Variants in PARD3B observed in about 807,000 individuals in gnomAD.
PARD3B encodes the protein partitioning defective 3 homolog B.
Under a neutral mutation model 130.2 loss-of-function variants are expected in PARD3B, and 103 were observed. The ratio of observed to expected loss-of-function variants is 0.79; its 90% CI spans 0.67 to 0.93. The LOEUF (loss-of-function observed/expected upper bound fraction) is 0.93, where lower values mean the gene tolerates loss of function less well. PARD3B is among the 40% of genes least tolerant of loss of function. PARD3B has a pLI of 0.00. For synonymous variants in PARD3B, 583 were observed against 553.2 expected (o/e 1.05, Z -0.76); for missense variants, 1,609 against 1,499.2 (o/e 1.07, Z -1.21).
chr2:205,579,571 A>C (rs2053890377), intron 22 of PARD3B, among the ~76,000 whole-genome samples: 1 of 152,224 alleles, frequency 6.6e-6, no homozygotes, highest in South Asian at 2.1e-4. Flanking sequence ...GTATCCAGCC[A>C]GCAGTACTTC....
chr2:205,190,643 T>C, intron 14 of PARD3B, among the ~76,000 whole-genome samples: 1 of 152,166 alleles, frequency 6.6e-6, no homozygotes, highest in East Asian at 1.9e-4. Flanking sequence ...ATGCCAACTC[T>C]CCTCTTTGAG....
Position 204,922,682 on chromosome 2 carries a change from G to GT in PARD3B, c.223-42459dup, listed in dbSNP as rs35206495. Among the ~76,000 whole-genome samples, 1,141 of 148,660 alleles carry GT rather than the reference G, an allele frequency of 7.7e-3. 19 individuals carry two copies. The highest frequency in any genetic ancestry group is 0.026 in the African/African-American group (1,051 of 40,754). On this transcript the variant is annotated intron_variant, in intron 2 of 22. Coordinates refer to ENST00000406610, the MANE Select transcript of PARD3B (RefSeq NM_001302769.2). Reference sequence around the variant, plus strand: ...GAAACGTGACTACAAAAAAAATACAGTTTTTTTTTTTCCTTTTAAAATAGG... The same window carrying GT: ...GAAACGTGACTACAAAAAAAATACAGTTTTTTTTTTTTCCTTTTAAAATAGG...
intron 1 of PARD3B, among the ~76,000 whole-genome samples, chr2:204,656,887 A>G (rs1031350596): frequency 4.6e-5 from 7 of 152,134 alleles, no homozygotes; most frequent in African/African-American, 1.4e-4. Flanking sequence ...CTCCTGTGTT[A>G]TTTCACTTTT....
At position 205,617,840 on chromosome 2, in the gene PARD3B, A is replaced by G. The variant is rs1338488934; in HGVS notation, c.*2027A>G. The G allele has an allele frequency of 6.6e-6, 1 of 152,226 alleles. No homozygotes were observed. The highest frequency in any genetic ancestry group is 1.9e-4 in the East Asian group (1 of 5,198). The allele number at this position is 152,226 out of a possible 1,614,324, so 9.4% of individuals were successfully genotyped here. A position where few individuals can be genotyped will look rare whatever the true frequency, so the allele number is the denominator to read the frequency against. ...ACGTGTAACTTGTTTTGAAGCATTA[A>G]AAACCAGCAGCTCTTCACTATGTTC... On this transcript the variant is annotated 3_prime_UTR_variant, in exon 23 of 23. Transcript: ENST00000406610.
In PARD3B at chr2:205,493,987, C is replaced by G. The variant is rs1018211139; in HGVS notation, c.3045-5909C>G. 4.6e-5 allele frequency among the ~76,000 whole-genome samples: 7 copies of G among 152,098 alleles called. No individual in the cohort carries two copies. The East Asian group carries it at 1.4e-3, about 29-fold the overall frequency. Reference sequence around the variant, plus strand: ...TGTTGGCCAGGCTAGTCTCGAACTCCTGACCTCAGGTGATCTGCCCACCTC... The same window carrying G: ...TGTTGGCCAGGCTAGTCTCGAACTCGTGACCTCAGGTGATCTGCCCACCTC... On this transcript the variant is annotated intron_variant, in intron 20 of 22. Transcript: ENST00000406610.
In PARD3B at chr2:205,383,133, T is replaced by TAGAG. The variant is rs1559039008; in HGVS notation, c.2631-17877_2631-17876insGAGA. On this transcript the variant is annotated intron_variant, in intron 18 of 22. Transcript: ENST00000406610. ...ATAGATAGATAGATAGATAGATAGA[T>TAGAG]AGATAGATCGATCTAAACTATGTCT... Among the ~76,000 whole-genome samples the TAGAG allele has an allele frequency of 7.0e-3, 804 of 115,212 alleles. 10 individuals carry two copies. Among genetic ancestry groups the TAGAG allele is most frequent in the Middle Eastern group, 0.058 (13 of 226 alleles). 75.6% of individuals were successfully genotyped at this position (115,212 alleles called of 152,430 possible).
intron 1 of PARD3B, among the ~76,000 whole-genome samples, chr2:204,563,217 G>GTCTGTCTCTCTCTCTCTCTCTCTCTCTC (rs1553541986): frequency 1.2e-5 from 1 of 86,598 alleles, no homozygotes; most frequent in Non-Finnish European, 2.2e-5. Context: ...TCTTCCCGCT[G>GTCTGTCTCTCTCTCTCTCTCTCTCTCTC]TCTCTCTCTC....
intron 15 of PARD3B, among the ~76,000 whole-genome samples, chr2:205,196,398 G>A (rs1021857651): frequency 2.0e-5 from 3 of 151,562 alleles, no homozygotes; most frequent in South Asian, 2.1e-4. Context: ...CCTTTGCCAC[G>A]TTACCATTTG....
chr2:205,508,431 G>T (rs1575197673), intron 21 of PARD3B, among the ~76,000 whole-genome samples: 1 of 152,088 alleles, frequency 6.6e-6, no homozygotes, highest in African/African-American at 2.4e-5. Context: ...AATTATGGGG[G>T]TGTGGTGGCA....
intron 3 of PARD3B, among the ~76,000 whole-genome samples, chr2:204,983,791 T>C (rs545513834): frequency 2.8e-4 from 43 of 152,324 alleles, no homozygotes; most frequent in African/African-American, 9.1e-4. Context: ...AAAATAACTC[T>C]TTTAAGCCTC....
chr2:204,875,092 A>G (rs2045784710), intron 2 of PARD3B, among the ~76,000 whole-genome samples: 1 of 152,122 alleles, frequency 6.6e-6, no homozygotes, highest in Non-Finnish European at 1.5e-5. Context: ...GTTTTCAACA[A>G]TTTTACTAAA....
At chr2:204,761,154 A>G (rs2040880641) in intron 2 of PARD3B, among the ~76,000 whole-genome samples, 1 of 152,208 alleles carries the variant, frequency 6.6e-6, no homozygotes, top group African/African-American at 2.4e-5. Flanking sequence ...ACCTAACTCC[A>G]ATGTCCACAA....
Position 204,678,993 on chromosome 2 carries a change from C to A in PARD3B, c.121-7188C>A, listed in dbSNP as rs1255896285. Among the ~76,000 whole-genome samples the A allele has an allele frequency of 6.6e-6, 1 of 152,158 alleles. No homozygotes were observed. The highest frequency in any genetic ancestry group is 1.9e-4 in the East Asian group (1 of 5,194). On this transcript the variant is annotated intron_variant, in intron 1 of 22. Transcript: ENST00000406610. The surrounding 1 kb of genome is among the most constrained non-coding windows in gnomAD (Gnocchi z 4.2). ...CAAGGAGTAACCAGTCTCGTGACTT[C>A]TACATTGTGAATTAATTATGCCTCT...
At chr2:204,948,871 T>A (rs1053571811) in intron 2 of PARD3B, among the ~76,000 whole-genome samples, 1 of 152,202 alleles carries the variant, frequency 6.6e-6, no homozygotes, top group South Asian at 2.1e-4. Context: ...TTTCCATGTC[T>A]CACAGGACCC....
At chr2:205,441,617 T>G (rs959256923) in intron 20 of PARD3B, among the ~76,000 whole-genome samples, 7 of 152,190 alleles carry the variant, frequency 4.6e-5, no homozygotes, top group African/African-American at 1.7e-4. Flanking sequence ...TCCCTATTAG[T>G]AACCAGCCTT....
At chr2:204,826,116 G>C (rs2043560981) in intron 2 of PARD3B, among the ~76,000 whole-genome samples, 1 of 152,128 alleles carries the variant, frequency 6.6e-6, no homozygotes, top group Non-Finnish European at 1.5e-5. Flanking sequence ...GGGAGGAGAG[G>C]AGCCTCTGAA....
intron 2 of PARD3B, among the ~76,000 whole-genome samples, chr2:204,753,988 A>G (rs2098462): frequency 0.35 from 53,517 of 152,088 alleles, 11,779 homozygotes; most frequent in African/African-American, 0.63. Context: ...GAAGTTCACA[A>G]TTCTGTATAG....
chr2:205,103,608 G>A, intron 4 of PARD3B: 1 of 633,746 alleles, frequency 1.6e-6, no homozygotes, highest in Non-Finnish European at 2.0e-6. Flanking sequence ...GATGAAACCG[G>A]AGTCCACGTG....
At chr2:205,536,179 T>C (rs890795910) in intron 21 of PARD3B, among the ~76,000 whole-genome samples, 1 of 152,112 alleles carries the variant, frequency 6.6e-6, no homozygotes, top group African/African-American at 2.4e-5. Flanking sequence ...TGATTGAGAA[T>C]TGTGAGGTGG....
Sources: allele counts gnomAD v4.1 joint callset (sites outside exome capture counted in the v4.1 genomes callset), GRCh38; gene constraint gnomAD v4.1.1; non-coding constraint Gnocchi (gnomAD v3.1); transcripts MANE v1.5; gene names NCBI Gene and HGNC (gene_info 2026-07-23, HGNC 2026-07-21).